SH3BP1: variants seen among roughly 807,000 people sequenced by gnomAD.
SH3BP1 encodes the protein SH3 domain binding protein 1.
A neutral mutation model predicts 69.8 loss-of-function variants in SH3BP1; 46 were observed. The observed-to-expected ratio is 0.66, with a 90% CI of 0.52 to 0.84. SH3BP1 has a LOEUF of 0.84. Among genes scored for constraint, SH3BP1 ranks in the 40% least tolerant of loss-of-function variants. The probability of loss-of-function intolerance (pLI) is 0.00; values close to 1 mark genes in which losing one functional copy is unlikely to be tolerated. For missense variants in SH3BP1, 868 were observed against 930.9 expected (o/e 0.93, Z 0.88); for synonymous variants, 403 against 378.0 (o/e 1.07, Z -0.77).
chr22:37,643,325 A>G, intron 6 of SH3BP1, 151 bp downstream of exon 6: 1 of 736,196 alleles, frequency 1.4e-6, no homozygotes, highest in Non-Finnish European at 2.3e-6. Context: ...CTAGGAGCAC[A>G]GGTGGTTAGC....
At position 37,655,262 on chromosome 22, in the gene SH3BP1, T is replaced by C. The variant is rs747243668; in HGVS notation, c.1694-10T>C. On this transcript the variant is annotated splice_polypyrimidine_tract_variant and intron_variant, in intron 17 of 17. Transcript: ENST00000649765. Reference sequence around the variant, plus strand: ...CACTCAGCCTCCCTCACCCTTTCCTTCCTCAACAGCCAAGCGCCCGGCGCC... The same window carrying C: ...CACTCAGCCTCCCTCACCCTTTCCTCCCTCAACAGCCAAGCGCCCGGCGCC... 2 of 1,581,072 alleles carry C rather than the reference T, an allele frequency of 1.3e-6. No individual in the cohort carries two copies. The highest frequency in any genetic ancestry group is 1.4e-5 in the African/African-American group (1 of 73,600).
chr22:37,646,950 TG>T, intron 11 of SH3BP1, 21 bp downstream of exon 11: 1 of 1,476,956 alleles, frequency 6.8e-7, no homozygotes, highest in Non-Finnish European at 9.0e-7. Context: ...CGGGGAGCCC[TG>T]GGCAGGAGGT....
chr22:37,645,097 G>C, intron 9 of SH3BP1, 137 bp downstream of exon 9: 8 of 890,792 alleles, frequency 9.0e-6, no homozygotes, highest in Non-Finnish European at 1.4e-5. Flanking sequence ...CTGTGATGGA[G>C]AGGCAGCTCT....
chr22:37,649,601 TG>T (rs1227287433), intron 14 of SH3BP1, among the ~76,000 whole-genome samples: 3 of 152,062 alleles, frequency 2.0e-5, no homozygotes, highest in Non-Finnish European at 2.9e-5. Context: ...CTGGCCAACA[TG>T]GTGAAACTCC....
chr22:37,648,205 C>T (rs368361521), intron 13 of SH3BP1, 114 bp from the exon 14 acceptor site: 2 of 727,274 alleles, frequency 2.7e-6, no homozygotes. Context: ...TTAACTGTGA[C>T]AATGTTAAGA....
intron 10 of SH3BP1, 62 bp downstream of exon 10, chr22:37,645,572 C>A: frequency 6.5e-7 from 1 of 1,537,198 alleles, no homozygotes; most frequent in South Asian, 1.2e-5. Context: ...CCCAAACCGC[C>A]CACTTGCTGC....
chr22:37,647,430 C>A lies in SH3BP1; in HGVS notation c.1119-11C>A. 6.2e-7 allele frequency: 1 copy of A among 1,611,446 alleles called. No homozygotes were observed. The highest frequency in any genetic ancestry group is 8.5e-7 in the Non-Finnish European group (1 of 1,178,690). On this transcript the variant is annotated splice_polypyrimidine_tract_variant and intron_variant, in intron 12 of 17. Transcript: ENST00000649765. Reference sequence around the variant, plus strand: ...CTGCGCTGGCTGACAGGTCTCTCCACTCCCCCCCAGCCTGAAGGAGCCAGG... The same window carrying A: ...CTGCGCTGGCTGACAGGTCTCTCCAATCCCCCCCAGCCTGAAGGAGCCAGG...
intron 16 of SH3BP1, among the ~76,000 whole-genome samples, chr22:37,653,258 G>A (rs1002585845): frequency 2.6e-5 from 4 of 151,876 alleles, no homozygotes; most frequent in Admixed American, 6.6e-5. Context: ...ACAAAACCCC[G>A]TCTCTACTAC....
rs1030631361 is a variant in SH3BP1 at position 37,645,294 on chromosome 22, A to AG, written c.779-64dup. ...AGGTGGTACCACCTTGAGGACATGA[A>AG]GGGGGGGTGCCCCTGCCTGACTGCT... is the stretch of plus-strand genomic sequence containing the variant. On this transcript the variant is annotated intron_variant, in intron 9 of 17. Coordinates refer to ENST00000649765, the MANE Select transcript of SH3BP1 (RefSeq NM_018957.6). The AG allele has an allele frequency of 3.6e-5, 55 of 1,538,678 alleles. 1 individual carries two copies. The South Asian group carries it at 4.4e-4, about 12-fold the overall frequency.
chr22:37,652,678 A>T (rs1032891577), intron 16 of SH3BP1, among the ~76,000 whole-genome samples: 1 of 151,242 alleles, frequency 6.6e-6, no homozygotes, highest in Non-Finnish European at 1.5e-5. Context: ...GCAAAAAATT[A>T]GCCAGGCATG....
intron 14 of SH3BP1, among the ~76,000 whole-genome samples, chr22:37,649,472 T>C (rs946452161): frequency 1.3e-5 from 2 of 151,236 alleles, no homozygotes; most frequent in East Asian, 2.0e-4. Flanking sequence ...TGTGACACAA[T>C]GAGACCCTGT....
At chr22:37,646,677 C>T (rs1208165727) in intron 10 of SH3BP1, 141 bp from the exon 11 acceptor site, 17 of 452,498 alleles carry the variant, frequency 3.8e-5, no homozygotes, top group East Asian at 2.1e-4. Context: ...CCGTGGACAC[C>T]GTGGTGCCCA....
In SH3BP1 at chr22:37,655,443, C is replaced by T. The variant is rs1464654058; in HGVS notation, c.1865C>T (p.Pro622Leu). The T allele has an allele frequency of 9.9e-6, 13 of 1,312,226 alleles. No homozygotes were observed. The highest frequency in any genetic ancestry group is 1.2e-5 in the Non-Finnish European group (12 of 961,990). 81.3% of individuals were successfully genotyped at this position (1,312,226 alleles called of 1,614,324 possible). A position where few individuals can be genotyped will look rare whatever the true frequency, so the allele number is the denominator to read the frequency against. ...SSLRAPTVPP[P>L]LPPTPPQPAR... Reference sequence around the variant, plus strand: ...CTCCGAGCCCCCACAGTGCCACCCCCGTTACCCCCCACACCCCCTCAGCCT... The same window carrying T: ...CTCCGAGCCCCCACAGTGCCACCCCTGTTACCCCCCACACCCCCTCAGCCT... Residue 622 changes from proline to leucine, a missense_variant, in exon 18 of 18, where the codon CCG (proline) becomes CTG (leucine). By Grantham distance (98) the Pro-to-Leu change is moderately conservative. Around this residue, in one of 3 missense-constraint regions of SH3BP1, gnomAD observed 474 missense variants for 462.3 expected, o/e 1.03. Transcript: ENST00000649765.
intron 14 of SH3BP1, among the ~76,000 whole-genome samples, chr22:37,649,206 C>T (rs991316216): frequency 2.6e-5 from 4 of 152,126 alleles, no homozygotes; most frequent in African/African-American, 9.7e-5. Context: ...CTGTGAAGTG[C>T]AAGCCAGGTC....
At chr22:37,648,839 G>A (rs1233016915) in intron 14 of SH3BP1, 1 of 191,720 alleles carries the variant, frequency 5.2e-6, no homozygotes, top group Non-Finnish European at 1.1e-5. Flanking sequence ...AGGTAGCTGG[G>A]ACTACAGGTG....
At chr22:37,643,831 G>A in intron 7 of SH3BP1, 43 bp downstream of exon 7, 2 of 1,605,858 alleles carry the variant, frequency 1.2e-6, no homozygotes, top group Non-Finnish European at 1.7e-6. Context: ...GGGTGGCAGG[G>A]GTGGGTCCTG....
At chr22:37,642,725 G>C (rs1255865867) in intron 4 of SH3BP1, 110 bp downstream of exon 4, 1 of 1,605,838 alleles carries the variant, frequency 6.2e-7, no homozygotes, top group Non-Finnish European at 8.5e-7. Flanking sequence ...ACCAGGCTGG[G>C]GACAGTTCCC....
chr22:37,640,749 G>A (rs1354332125), intron 1 of SH3BP1: 5 of 279,182 alleles, frequency 1.8e-5, no homozygotes, highest in African/African-American at 9.1e-5. Flanking sequence ...TGCACTTCCC[G>A]TTCTTGGGGC....
chr22:37,644,154 C>T (rs569463269), intron 7 of SH3BP1, among the ~76,000 whole-genome samples: 1 of 152,224 alleles, frequency 6.6e-6, no homozygotes, highest in South Asian at 2.1e-4. Flanking sequence ...CCGAGGCAGG[C>T]GAATCATGAG....
Sources: gnomAD v4.1 joint callset for allele counts (sites outside exome capture counted in the v4.1 genomes callset) on GRCh38, gnomAD v4.1.1 for gene constraint, gnomAD v4.1.1 regional missense constraint, MANE v1.5 for transcripts, NCBI Gene and HGNC (gene_info 2026-07-23, HGNC 2026-07-21) for gene names.